Variants in SGMS1 observed in about 807,000 individuals in gnomAD.
SGMS1 encodes phosphatidylcholine:ceramide cholinephosphotransferase 1.
Under a neutral mutation model 46.2 loss-of-function variants are expected in SGMS1, and 13 were observed. That is an observed-to-expected ratio of 0.28 (90% CI 0.18 to 0.45). The LOEUF (loss-of-function observed/expected upper bound fraction) is 0.45. Among genes scored for constraint, SGMS1 ranks in the 20% least tolerant of loss-of-function variants. SGMS1 has a pLI of 1.00. For missense variants in SGMS1, 324 were observed against 519.9 expected, an observed-to-expected ratio of 0.62 and a Z score of 3.66; for synonymous variants, 203 against 187.8, an observed-to-expected ratio of 1.08 and a Z score of -0.66.
intron 6 of SGMS1, among the ~76,000 whole-genome samples, chr10:50,388,855 T>C (rs1473018200): frequency 3.3e-5 from 5 of 152,158 alleles, no homozygotes; most frequent in African/African-American, 1.2e-4. Flanking sequence ...ATAGGAATGA[T>C]ATAAACTAAG....
chr10:50,308,663 T>C (rs1847210887), intron 9 of SGMS1, among the ~76,000 whole-genome samples: 1 of 152,070 alleles, frequency 6.6e-6, no homozygotes, highest in Non-Finnish European at 1.5e-5. Context: ...CAGAAAAGCA[T>C]CCAGACGCCT....
intron 1 of SGMS1, among the ~76,000 whole-genome samples, chr10:50,618,800 G>T (rs907056134): frequency 6.6e-6 from 1 of 152,190 alleles, no homozygotes; most frequent in Non-Finnish European, 1.5e-5. Flanking sequence ...TAGAGCAGCG[G>T]TTCTCAAACT....
intron 3 of SGMS1, among the ~76,000 whole-genome samples, chr10:50,497,548 T>A (rs1033562641): frequency 6.6e-6 from 1 of 152,138 alleles, no homozygotes; most frequent in Non-Finnish European, 1.5e-5. Context: ...ATCCCAGCAC[T>A]TTGGGAGGCC....
At chr10:50,340,835 T>C (rs1847805459) in intron 7 of SGMS1, among the ~76,000 whole-genome samples, 1 of 152,212 alleles carries the variant, frequency 6.6e-6, no homozygotes, top group African/African-American at 2.4e-5. Context: ...AAGTAAGTGA[T>C]CCTCTAGTTC....
At chr10:50,514,635 T>TA (rs1417365828) in intron 3 of SGMS1, among the ~76,000 whole-genome samples, 1 of 152,208 alleles carries the variant, frequency 6.6e-6, no homozygotes, top group Non-Finnish European at 1.5e-5. Context: ...ATTATTCTGC[T>TA]ACCACAATAT....
At chr10:50,397,536 A>G (rs1053221651) in intron 6 of SGMS1, among the ~76,000 whole-genome samples, 5 of 152,184 alleles carry the variant, frequency 3.3e-5, no homozygotes, top group African/African-American at 1.2e-4. Flanking sequence ...CCGAGAGAGA[A>G]AATGCCTATG....
At chr10:50,346,765 A>G (rs1055464943) in intron 6 of SGMS1, among the ~76,000 whole-genome samples, 2 of 151,976 alleles carry the variant, frequency 1.3e-5, no homozygotes, top group East Asian at 3.9e-4. Context: ...CTGTGGTGCA[A>G]TCATGGCTCA....
At chr10:50,546,960 T>C (rs1358560012) in intron 2 of SGMS1, among the ~76,000 whole-genome samples, 2 of 152,198 alleles carry the variant, frequency 1.3e-5, no homozygotes, top group African/African-American at 4.8e-5. Flanking sequence ...TACAGATTTT[T>C]AAAACTTGGA....
chr10:50,496,028 T>C (rs1380154724), intron 3 of SGMS1, among the ~76,000 whole-genome samples: 1 of 152,180 alleles, frequency 6.6e-6, no homozygotes, highest in Non-Finnish European at 1.5e-5. Context: ...CAGCAGACAC[T>C]CCATACCTGT....
intron 2 of SGMS1, among the ~76,000 whole-genome samples, chr10:50,540,658 C>T (rs890658829): frequency 9.9e-5 from 15 of 152,140 alleles, no homozygotes; most frequent in Admixed American, 2.6e-4. Flanking sequence ...TCAGAGAAAC[C>T]AAAACTAAGC....
intron 8 of SGMS1, among the ~76,000 whole-genome samples, chr10:50,315,260 T>C (rs1847321883): frequency 6.6e-6 from 1 of 152,242 alleles, no homozygotes; most frequent in East Asian, 1.9e-4. Flanking sequence ...ACAAACACTA[T>C]GTGCAGAAAA....
At position 50,344,019 on chromosome 10, in the gene SGMS1, T is replaced by C. The variant is rs753568423; in HGVS notation, c.96A>G (p.Thr32=). The C allele has an allele frequency of 3.2e-5, 52 of 1,614,040 alleles. No individual in the cohort carries two copies. The highest frequency in any genetic ancestry group is 4.4e-5 in the Non-Finnish European group (52 of 1,180,028). ...GGGTTAGGTTGATCAAGTCCTGGCC[T>C]GTGAAATGCTCCAGAGGCTCACAGT... ...PEYCEPLEHF[T]GQDLINLTQE... Residue 32 remains threonine, a synonymous_variant, in exon 7 of 11, where the codon ACA becomes ACG. Coordinates refer to ENST00000361781, the MANE Select transcript of SGMS1 (RefSeq NM_147156.4).
chr10:50,562,386 G>A (rs1477184512), intron 2 of SGMS1, among the ~76,000 whole-genome samples: 1 of 149,580 alleles, frequency 6.7e-6, no homozygotes, highest in Non-Finnish European at 1.5e-5. Context: ...ACTCACACAC[G>A]GGCGCGCATG....
intron 2 of SGMS1, among the ~76,000 whole-genome samples, chr10:50,525,346 G>A (rs1304992043): frequency 1.3e-5 from 2 of 152,040 alleles, no homozygotes; most frequent in Non-Finnish European, 2.9e-5. Context: ...TGTGAAGGTG[G>A]GTGTAAAGGA....
intron 2 of SGMS1, among the ~76,000 whole-genome samples, chr10:50,543,915 C>T (rs11006089): frequency 6.6e-6 from 1 of 152,182 alleles, no homozygotes; most frequent in East Asian, 1.9e-4. Context: ...ACTACAGGAG[C>T]CATACGAAGA....
intron 9 of SGMS1, among the ~76,000 whole-genome samples, chr10:50,309,210 G>C (rs1847218815): frequency 6.6e-6 from 1 of 151,940 alleles, no homozygotes; most frequent in South Asian, 2.1e-4. Context: ...AGCAGTTAGG[G>C]TAGGAATATT....
At chr10:50,436,404 G>A (rs895771275) in intron 5 of SGMS1, among the ~76,000 whole-genome samples, 1 of 152,140 alleles carries the variant, frequency 6.6e-6, no homozygotes, top group African/African-American at 2.4e-5. Flanking sequence ...CCACCCATTT[G>A]GTGGAAGACA....
At chr10:50,617,389 C>A (rs1838808191) in intron 1 of SGMS1, among the ~76,000 whole-genome samples, 1 of 152,102 alleles carries the variant, frequency 6.6e-6, no homozygotes, top group Admixed American at 6.5e-5. Flanking sequence ...ACAGTGACAG[C>A]ATATCAGTGG....
intron 6 of SGMS1, among the ~76,000 whole-genome samples, chr10:50,409,926 C>T (rs1411476193): frequency 6.6e-6 from 1 of 152,126 alleles, no homozygotes; most frequent in Non-Finnish European, 1.5e-5. Flanking sequence ...CATAAGTCTA[C>T]AAGAATTTTA....
Sources: gnomAD v4.1 joint callset for allele counts (sites outside exome capture counted in the v4.1 genomes callset) on GRCh38, gnomAD v4.1.1 for gene constraint, MANE v1.5 for transcripts, NCBI Gene and HGNC (gene_info 2026-07-23, HGNC 2026-07-21) for gene names.